NUP210: variants seen among roughly 807,000 people sequenced by gnomAD.
The protein encoded by NUP210 is nucleoporin 210.
Under a neutral mutation model 196.0 loss-of-function variants are expected in NUP210, and 151 were observed. The ratio of observed to expected loss-of-function variants is 0.77; its 90% CI spans 0.67 to 0.88. The LOEUF is 0.88. Ranked by LOEUF, NUP210 falls within the 40% of genes least tolerant of loss-of-function variation. The pLI is 0.00. For synonymous variants in NUP210, 1,070 were observed against 1,052.7 expected, an observed-to-expected ratio of 1.02 and a Z score of -0.32; for missense variants, 2,314 against 2,493.7, an observed-to-expected ratio of 0.93 and a Z score of 1.53.
In NUP210 at chr3:13,379,808, G is replaced by A. The variant is rs1461920432; in HGVS notation, c.818-87C>T. The A allele has an allele frequency of 1.3e-5, 15 of 1,155,526 alleles. No individual in the cohort carries two copies. Among genetic ancestry groups the A allele is most frequent in the South Asian group, 1.6e-5 (1 of 62,590 alleles). The allele number at this position is 1,155,526 out of a possible 1,614,324, so 71.6% of individuals were successfully genotyped here. A position where few individuals can be genotyped will look rare whatever the true frequency, so the allele number is the denominator to read the frequency against. On this transcript the variant is annotated intron_variant, in intron 6 of 39. Transcript: ENST00000254508. This position sits in a 1 kb window ranked among gnomAD's most constrained non-coding sequence, Gnocchi z 4.2. ...GCCAATACACTCCCACTGCCACCCC[G>A]AATCTCTGCACTCTGCTCTCAGTAC...
chr3:13,368,714 G>A (rs1251867186), intron 13 of NUP210, among the ~76,000 whole-genome samples: 1 of 152,206 alleles, frequency 6.6e-6, no homozygotes, highest in African/African-American at 2.4e-5. Flanking sequence ...ACTTCACTGA[G>A]CATGATGTCT....
At chr3:13,330,343 T>C in intron 30 of NUP210, 117 bp downstream of exon 30, 1 of 982,370 alleles carries the variant, frequency 1.0e-6, no homozygotes, top group Non-Finnish European at 1.5e-6. Context: ...TTACTCTAAA[T>C]GCCTGTCTAC....
At chr3:13,393,449 G>A (rs1268134725) in intron 3 of NUP210, among the ~76,000 whole-genome samples, 1 of 152,266 alleles carries the variant, frequency 6.6e-6, no homozygotes, top group African/African-American at 2.4e-5. Flanking sequence ...GGCAGAAAGT[G>A]TCCTTAGGCT....
intron 14 of NUP210, among the ~76,000 whole-genome samples, chr3:13,365,099 G>C (rs1406215560): frequency 6.6e-6 from 1 of 152,168 alleles, no homozygotes; most frequent in Non-Finnish European, 1.5e-5. Context: ...TGCAAGCTAG[G>C]CAGAGTTCAA....
At chr3:13,335,405 C>T in intron 28 of NUP210, 49 bp downstream of exon 28, 1 of 1,582,918 alleles carries the variant, frequency 6.3e-7, no homozygotes, top group Non-Finnish European at 8.6e-7. Context: ...GATTGGGCAG[C>T]TGGCACTTCC....
chr3:13,335,336 G>A (rs1296068073), intron 28 of NUP210, 118 bp downstream of exon 28: 5 of 1,207,244 alleles, frequency 4.1e-6, no homozygotes, highest in Non-Finnish European at 5.9e-6. Context: ...CATCCCCACG[G>A]ACTGAGAGCT....
rs1696274085 is a variant in NUP210, at chr3:13,316,418, C to G, written c.*1263G>C. 1 of 152,262 alleles carries G rather than the reference C, an allele frequency of 6.6e-6. No individual in the cohort carries two copies. Among genetic ancestry groups the G allele is most frequent in the Admixed American group, 6.5e-5 (1 of 15,286 alleles). The allele number at this position is 152,262 out of a possible 1,614,324, so 9.4% of individuals were successfully genotyped here. On this transcript the variant is annotated 3_prime_UTR_variant, in exon 40 of 40. Transcript: ENST00000254508. The stretch of plus-strand genomic sequence containing the variant: ...GGAGCTTGTGCGGGATCCCGTCATC[C>G]TGGACTCTCCACACAGCGTCCACGC...
intron 1 of NUP210, among the ~76,000 whole-genome samples, chr3:13,408,441 A>G (rs1444466312): frequency 6.6e-6 from 1 of 152,160 alleles, no homozygotes; most frequent in Non-Finnish European, 1.5e-5. Context: ...TTTCTTCCTT[A>G]AATCTTTCAC....
chr3:13,340,261 G>A lies in NUP210; in HGVS notation c.3266C>T (p.Thr1089Ile), dbSNP rs748759090. The A allele has an allele frequency of 4.3e-6, 7 of 1,613,358 alleles. No homozygotes were observed. In the African/African-American group the frequency reaches 9.3e-5, roughly 22 times the overall value. The change falls in exon 24 of 40, where the codon ACA becomes ATA. Residue 1089 changes from threonine (T) to isoleucine (I), a missense_variant. Coordinates refer to ENST00000254508, the MANE Select transcript of NUP210 (RefSeq NM_024923.4). This position sits in a 1 kb window ranked among gnomAD's most constrained non-coding sequence, Gnocchi z 4.0. Reference protein sequence around the residue: ...PPFRLMPRKVTLLIGATMQVT... With the variant: ...PPFRLMPRKVILLIGATMQVT... ...CTGCATCGTGGCCCCGATAAGCAGT[G>A]TCACCTTCCTGGGCATCAGCCTGAA...
At chr3:13,363,314 A>T (rs1698428859) in intron 14 of NUP210, among the ~76,000 whole-genome samples, 1 of 152,152 alleles carries the variant, frequency 6.6e-6, no homozygotes, top group South Asian at 2.1e-4. Flanking sequence ...CCATGCTCTT[A>T]CCCACATCTC....
intron 1 of NUP210, among the ~76,000 whole-genome samples, chr3:13,408,363 C>A (rs1700062723): frequency 6.6e-6 from 1 of 152,008 alleles, no homozygotes; most frequent in Non-Finnish European, 1.5e-5. Flanking sequence ...ATGTTGGCCT[C>A]ATAAAAGTGA....
At position 13,366,096 on chromosome 3, in the gene NUP210, A is replaced by G; in HGVS notation, c.1787-5T>C. ...CAGAGCCTGGCGGCAGCCTCCCTAC[A>G]GAAAGGAGAGAACTAGATGGTCACC... On this transcript the variant is annotated splice_polypyrimidine_tract_variant and splice_region_variant and intron_variant, in intron 13 of 39. Coordinates refer to ENST00000254508, the MANE Select transcript of NUP210 (RefSeq NM_024923.4). The G allele has an allele frequency of 6.2e-7, 1 of 1,612,860 alleles. No individual in the cohort carries two copies. The highest frequency in any genetic ancestry group is 8.5e-7 in the Non-Finnish European group (1 of 1,179,412).
intron 14 of NUP210, 105 bp downstream of exon 14, chr3:13,365,841 T>A: frequency 7.9e-7 from 1 of 1,265,738 alleles, no homozygotes; most frequent in Non-Finnish European, 1.1e-6. Flanking sequence ...AAAAGCTATT[T>A]TGAAGGAATC....
intron 1 of NUP210, 50 bp from the exon 2 acceptor site, chr3:13,399,911 A>G (rs1201685019): frequency 6.4e-7 from 1 of 1,553,396 alleles, no homozygotes; most frequent in Admixed American, 1.8e-5. Context: ...ACTGCAAGGC[A>G]CAGTGGGGTC....
intron 28 of NUP210, among the ~76,000 whole-genome samples, chr3:13,333,356 G>A (rs980848351): frequency 6.6e-5 from 10 of 152,234 alleles, no homozygotes; most frequent in African/African-American, 2.4e-4. Flanking sequence ...TCGCTGGCAG[G>A]TAAAGCTGTG....
At position 13,371,968 on chromosome 3, in the gene NUP210, T is replaced by C. The variant is rs1425374258; in HGVS notation, c.1652A>G (p.Gln551Arg). 12 of 1,602,878 alleles carry C rather than the reference T, an allele frequency of 7.5e-6. No individual in the cohort carries two copies. Among genetic ancestry groups the C allele is most frequent in the Admixed American group, 1.7e-5 (1 of 58,384 alleles). The change falls in exon 13 of 40, where the codon CAG (glutamine) becomes CGG (arginine). Residue 551 changes from glutamine to arginine, a missense_variant. Transcript: ENST00000254508. ...APCQVEARVG[Q>R]ALELPLRISG... is the part of the protein sequence containing the mutation. ...GATCCTCAGGGGCAGCTCCAGGGCC[T>C]GGCCCACACGTGCCTCCACCTGGCA...
At position 13,339,870 on chromosome 3, in the gene NUP210, A is replaced by T. The variant is rs753587741; in HGVS notation, c.3455T>A (p.Val1152Glu). 3 of 1,613,372 alleles carry T rather than the reference A, an allele frequency of 1.9e-6. No individual in the cohort carries two copies. The African/African-American group carries it at 4.0e-5, about 22-fold the overall frequency. The stretch of plus-strand genomic sequence containing the variant: ...GCCTGTTACCTGAGAGATGATGACC[A>T]CCTTGCCGGTCTCTGCATCCACTGC... ...VQAVDAETGK[V>E]VIISQDLVQV... Residue 1152 changes from valine to glutamate, a missense_variant, in exon 25 of 40, where the codon GTG becomes GAG. Val to Glu is a moderately radical substitution (Grantham distance 121, BLOSUM62 -2). Coordinates refer to ENST00000254508, the MANE Select transcript of NUP210 (RefSeq NM_024923.4).
chr3:13,393,236 C>T (rs1346025958), intron 3 of NUP210, among the ~76,000 whole-genome samples: 1 of 152,136 alleles, frequency 6.6e-6, no homozygotes, highest in Non-Finnish European at 1.5e-5. Context: ...CAACGGTCCG[C>T]TTATGGACAA....
chr3:13,388,608 C>T (rs553957691), intron 4 of NUP210, among the ~76,000 whole-genome samples, 155 bp from the exon 5 acceptor site: 13 of 152,260 alleles, frequency 8.5e-5, no homozygotes, highest in Non-Finnish European at 1.6e-4. Context: ...CCTAGAGACA[C>T]GGCCCTGCAG....
Sources: allele counts gnomAD v4.1 joint callset (sites outside exome capture counted in the v4.1 genomes callset), GRCh38; gene constraint gnomAD v4.1.1; non-coding constraint Gnocchi (gnomAD v3.1); transcripts MANE v1.5; gene names NCBI Gene and HGNC (gene_info 2026-07-23, HGNC 2026-07-21).